The following MED13L variants were observed in gnomAD, a reference collection of about 807,000 sequenced individuals.
MED13L encodes the protein mediator complex subunit 13L.
A neutral mutation model predicts 220.9 loss-of-function variants in MED13L; 7 were observed. That is an observed-to-expected ratio of 0.03 (90% confidence interval 0.02 to 0.06). MED13L has a LOEUF of 0.06. Among genes scored for constraint, MED13L ranks in the 10% least tolerant of loss-of-function variants. MED13L has a pLI of 1.00. For missense variants in MED13L, 1,965 were observed against 2,760.5 expected, an observed-to-expected ratio of 0.71 and a Z score of 6.46; for synonymous variants, 1,011 against 1,015.2, an observed-to-expected ratio of 1.00 and a Z score of 0.08.
chr12:115,986,458 G>A lies in MED13L; in HGVS notation c.4146C>T (p.Ile1382=). Residue 1382 remains isoleucine (I), a synonymous_variant, in exon 19 of 31, where the codon ATC becomes ATT. Transcript: ENST00000281928. The stretch of plus-strand genomic sequence containing the variant: ...TGTCATAGCCTACCAGCAGAGTGGG[G>A]ATGGGCAACGGCTCAGGAGATTCTT... ...GSEESPEPLP[I]PTLLVGYDKD... 1 of 1,614,064 alleles carries A rather than the reference G, an allele frequency of 6.2e-7. No individual in the cohort carries two copies. Among genetic ancestry groups the A allele is most frequent in the Non-Finnish European group, 8.5e-7 (1 of 1,179,966 alleles).
chr12:116,181,459 C>T (rs1207103188), intron 2 of MED13L, among the ~76,000 whole-genome samples: 1 of 152,162 alleles, frequency 6.6e-6, no homozygotes, highest in Non-Finnish European at 1.5e-5. Flanking sequence ...GAATACATAA[C>T]ACTCTTTACT....
At chr12:116,247,864 T>C (rs1871219600) in intron 1 of MED13L, among the ~76,000 whole-genome samples, 1 of 152,254 alleles carries the variant, frequency 6.6e-6, no homozygotes, top group South Asian at 2.1e-4. Context: ...ACAATAAGTT[T>C]ACTACAATTA....
intron 4 of MED13L, among the ~76,000 whole-genome samples, chr12:116,087,171 T>C (rs190896498): frequency 1.3e-5 from 2 of 152,196 alleles, no homozygotes; most frequent in African/African-American, 2.4e-5. Context: ...TCACTACTAA[T>C]AGCAAACAGC....
At chr12:116,019,994 CATGCTAAACATTAGAGA>C in intron 5 of MED13L, 22 bp from the exon 6 acceptor site, 2 of 1,594,436 alleles carry the variant, frequency 1.3e-6, no homozygotes, top group East Asian at 4.5e-5. Flanking sequence ...AGGAGAAATA[CATGCTAAACATTAGAGA>C]AATAATTCCT....
At chr12:116,247,581 G>C (rs1452918344) in intron 1 of MED13L, among the ~76,000 whole-genome samples, 1 of 150,694 alleles carries the variant, frequency 6.6e-6, no homozygotes, top group Non-Finnish European at 1.5e-5. Flanking sequence ...GTGTAGATGG[G>C]CTGCTGACGA....
At chr12:116,085,757 C>CAT (rs1473555366) in intron 4 of MED13L, among the ~76,000 whole-genome samples, 2 of 31,312 alleles carry the variant, frequency 6.4e-5, no homozygotes, top group Non-Finnish European at 1.3e-4. Context: ...AAATCACTCA[C>CAT]ACACACACAC....
At chr12:116,215,014 C>G (rs867929588) in intron 2 of MED13L, among the ~76,000 whole-genome samples, 1 of 152,142 alleles carries the variant, frequency 6.6e-6, no homozygotes, top group African/African-American at 2.4e-5. Flanking sequence ...TTATCAAAAT[C>G]TGCATTAAAA....
chr12:116,197,379 T>C (rs990851940), intron 2 of MED13L, among the ~76,000 whole-genome samples: 6 of 152,182 alleles, frequency 3.9e-5, no homozygotes, highest in Non-Finnish European at 8.8e-5. Flanking sequence ...CTTTATCTCG[T>C]TGTCCATTCT....
At chr12:116,018,273 A>G (rs544489666) in intron 7 of MED13L, among the ~76,000 whole-genome samples, 1 of 152,350 alleles carries the variant, frequency 6.6e-6, no homozygotes, top group South Asian at 2.1e-4. Context: ...GCTCAATCAC[A>G]AAGTATATGC....
rs1271220267 is a variant in MED13L, at chr12:116,145,206, T to A, written c.311-33694A>T. ...CCAATGTCAACCAAACCAATAATAA[T>A]CCTAAATGGCAGATGGAAATCCTTA... On this transcript the variant is annotated intron_variant, in intron 2 of 30. Transcript: ENST00000281928. Among the ~76,000 whole-genome samples the A allele has an allele frequency of 2.0e-5, 3 of 152,126 alleles. No homozygotes were observed. In the East Asian group the frequency reaches 5.8e-4, roughly 29 times the overall value.
chr12:116,033,194 T>C (rs1465040158), intron 4 of MED13L, among the ~76,000 whole-genome samples: 1 of 152,136 alleles, frequency 6.6e-6, no homozygotes, highest in Non-Finnish European at 1.5e-5. Flanking sequence ...CCACCTTTTT[T>C]ATTTTTAAAA....
intron 4 of MED13L, among the ~76,000 whole-genome samples, chr12:116,068,101 A>G (rs1219114277): frequency 6.6e-6 from 1 of 152,176 alleles, no homozygotes; most frequent in Non-Finnish European, 1.5e-5. Context: ...AATACAGGAA[A>G]CGCACCAACA....
chr12:115,978,875 GA>G (rs1463443331), intron 23 of MED13L, among the ~76,000 whole-genome samples: 2 of 152,180 alleles, frequency 1.3e-5, no homozygotes, highest in African/African-American at 4.8e-5. Context: ...GGATTTATTT[GA>G]AAACTTGCAT....
intron 2 of MED13L, 34 bp downstream of exon 2, chr12:116,237,434 C>A: frequency 6.7e-7 from 1 of 1,486,056 alleles, no homozygotes; most frequent in South Asian, 1.1e-5. Context: ...AAATATGATG[C>A]AAATAATTTT....
chr12:116,038,744 CAAAA>C (rs63703461), intron 4 of MED13L, among the ~76,000 whole-genome samples: 2,784 of 75,266 alleles, frequency 0.037, 51 homozygotes, highest in Middle Eastern at 0.067. Context: ...GTCAAAAGGC[CAAAA>C]AAAAAAAAAA....
At chr12:116,051,197 T>C (rs1868483216) in intron 4 of MED13L, among the ~76,000 whole-genome samples, 2 of 151,756 alleles carry the variant, frequency 1.3e-5, no homozygotes, top group African/African-American at 4.8e-5. Flanking sequence ...TAATAAAACA[T>C]TTTTCAAAGA....
intron 4 of MED13L, among the ~76,000 whole-genome samples, chr12:116,041,178 T>C (rs1881503478): frequency 6.6e-6 from 1 of 152,186 alleles, no homozygotes; most frequent in South Asian, 2.1e-4. Context: ...AGAAGGTGAC[T>C]GGACCTTGGG....
intron 4 of MED13L, among the ~76,000 whole-genome samples, chr12:116,054,288 C>T (rs1321330020): frequency 1.3e-5 from 2 of 152,030 alleles, no homozygotes; most frequent in Admixed American, 1.3e-4. Flanking sequence ...ACTCTGGTAT[C>T]CAAATCCCAC....
In MED13L at chr12:116,239,020, G is replaced by T. The variant is rs542698359; in HGVS notation, c.73-1315C>A. Among the ~76,000 whole-genome samples, 10 of 152,240 alleles carry T rather than the reference G, an allele frequency of 6.6e-5. No homozygotes were observed. In the East Asian group the frequency reaches 1.7e-3, roughly 26 times the overall value. ...TGAGGCACAAGAATTGCTTGAACTT[G>T]GAAGGCGGAGGTTGCAGTGAGCCGA... On this transcript the variant is annotated intron_variant, in intron 1 of 30. Transcript: ENST00000281928.
Sources: gnomAD v4.1 joint callset for allele counts (sites outside exome capture counted in the v4.1 genomes callset) on GRCh38, gnomAD v4.1.1 for gene constraint, MANE v1.5 for transcripts, NCBI Gene and HGNC (gene_info 2026-07-23, HGNC 2026-07-21) for gene names.